UNC13C: variants seen among roughly 807,000 people sequenced by gnomAD.
UNC13C encodes the protein protein unc-13 homolog C.
A neutral mutation model predicts 245.4 loss-of-function variants in UNC13C; 174 were observed. The ratio of observed to expected loss-of-function variants is 0.71; its 90% CI spans 0.63 to 0.80. UNC13C has a LOEUF of 0.80. Among genes scored for constraint, UNC13C ranks in the 30% least tolerant of loss-of-function variants. The pLI, the probability that UNC13C is intolerant of heterozygous loss-of-function variation, is 0.00. For missense variants in UNC13C, 2,829 were observed against 2,602.9 expected (o/e 1.09, Z -1.89); for synonymous variants, 992 against 895.1 (o/e 1.11, Z -1.93).
intron 17 of UNC13C, among the ~76,000 whole-genome samples, chr15:54,372,167 G>A (rs1455739317): frequency 6.6e-6 from 1 of 152,042 alleles, no homozygotes; most frequent in African/African-American, 2.4e-5. Context: ...TAGTCATTCT[G>A]CAGTGGATGC....
At chr15:54,413,784 T>G (rs1223826437) in intron 18 of UNC13C, among the ~76,000 whole-genome samples, 1 of 152,188 alleles carries the variant, frequency 6.6e-6, no homozygotes, top group African/African-American at 2.4e-5. Context: ...TTTCCTTAGG[T>G]AACACTTTCC....
chr15:54,011,200 G>T (rs920898566), intron 1 of UNC13C, among the ~76,000 whole-genome samples: 1 of 152,170 alleles, frequency 6.6e-6, no homozygotes, highest in African/African-American at 2.4e-5. Flanking sequence ...AAGTGAGTTC[G>T]TGTGTGCAAC....
intron 30 of UNC13C, among the ~76,000 whole-genome samples, chr15:54,609,185 T>G (rs1419678687): frequency 6.6e-6 from 1 of 152,248 alleles, no homozygotes; most frequent in East Asian, 1.9e-4. Context: ...TTACTGCTGC[T>G]GCTTGAGTAT....
At position 54,594,903 on chromosome 15, in the gene UNC13C, G is replaced by T. The variant is rs144532071; in HGVS notation, c.6106+26956G>T. Among the ~76,000 whole-genome samples the T allele has an allele frequency of 1.4e-4, 21 of 152,298 alleles. 1 individual carries two copies. The East Asian group carries it at 4.1e-3, about 29-fold the overall frequency. ...ATCCAAAAGGCGGGTCCAGGGGACC[G>T]GAGCATCGGAGGCTTGCTCACGGCC... is the stretch of plus-strand genomic sequence containing the variant. On this transcript the variant is annotated intron_variant, in intron 30 of 32. Transcript: ENST00000260323.
intron 23 of UNC13C, among the ~76,000 whole-genome samples, chr15:54,510,703 C>CA (rs1894699784): frequency 6.6e-6 from 1 of 152,118 alleles, no homozygotes; most frequent in South Asian, 2.1e-4. Flanking sequence ...TAAGAGCTAA[C>CA]ACCTCTCTGA....
intron 10 of UNC13C, among the ~76,000 whole-genome samples, chr15:54,290,900 A>C (rs1306406862): frequency 6.6e-5 from 10 of 152,034 alleles, no homozygotes; most frequent in Non-Finnish European, 1.5e-4. Flanking sequence ...GGCTTACATA[A>C]ACTCTGATGA....
At chr15:54,017,035 A>G (rs1263075398) in intron 2 of UNC13C, among the ~76,000 whole-genome samples, 1 of 152,226 alleles carries the variant, frequency 6.6e-6, no homozygotes, top group African/African-American at 2.4e-5. Flanking sequence ...TGATGTGAGT[A>G]GATTATTGAA....
At chr15:53,886,149 A>G in the UNC13C span, among the ~76,000 whole-genome samples, 1 of 152,194 alleles carries the variant, frequency 6.6e-6, no homozygotes, top group South Asian at 2.1e-4. Context: ...TTCTATTGGT[A>G]TATATAAGAA....
intron 4 of UNC13C, among the ~76,000 whole-genome samples, chr15:54,174,203 C>T (rs2033525416): frequency 6.6e-6 from 1 of 152,088 alleles, no homozygotes. Flanking sequence ...TATAAAGGTC[C>T]TGCTGTCCTC....
rs1895555127 is a variant in UNC13C, at chr15:54,014,655, G to A, written c.1752G>A (p.Arg584=). ...GCTCTCTCCTGTCATCTTCGGACCGGGAGCTATGGCAGAGGAAACAGGAAG... is the reference window on the plus strand; with the variant it reads ...GCTCTCTCCTGTCATCTTCGGACCGAGAGCTATGGCAGAGGAAACAGGAAG... ...NGSSLLSSSD[R]ELWQRKQEGT... is the part of the protein sequence containing the mutation. Residue 584 remains arginine, a synonymous_variant, in exon 2 of 33, where the codon CGG becomes CGA. Coordinates refer to ENST00000260323, the MANE Select transcript of UNC13C (RefSeq NM_001080534.3). 6.2e-7 allele frequency: 1 copy of A among 1,613,530 alleles called. No individual in the cohort carries two copies. The highest frequency in any genetic ancestry group is 1.7e-5 in the Admixed American group (1 of 59,928).
chr15:54,134,630 C>A (rs1436795933), intron 2 of UNC13C, among the ~76,000 whole-genome samples: 1 of 152,144 alleles, frequency 6.6e-6, no homozygotes, highest in African/African-American at 2.4e-5. Flanking sequence ...CGCCATTCTC[C>A]TGCCTTAGCC....
At chr15:54,300,785 C>G (rs1181965912) in intron 13 of UNC13C, among the ~76,000 whole-genome samples, 2 of 152,156 alleles carry the variant, frequency 1.3e-5, no homozygotes, top group African/African-American at 4.8e-5. Flanking sequence ...TCTGAGGTAA[C>G]TAAAGCCCTG....
intron 18 of UNC13C, among the ~76,000 whole-genome samples, chr15:54,394,025 G>A (rs1203801094): frequency 6.6e-6 from 1 of 151,830 alleles, no homozygotes; most frequent in Admixed American, 6.6e-5. Context: ...AGCAAAGATA[G>A]CAGAAATAGA....
At chr15:54,443,107 G>C (rs965867308) in intron 19 of UNC13C, among the ~76,000 whole-genome samples, 2 of 151,934 alleles carry the variant, frequency 1.3e-5, no homozygotes, top group Non-Finnish European at 2.9e-5. Flanking sequence ...TGTTGATCTG[G>C]TCAGGTTTTC....
intron 4 of UNC13C, among the ~76,000 whole-genome samples, chr15:54,210,120 A>G (rs965494939): frequency 1.2e-4 from 18 of 151,516 alleles, no homozygotes. Flanking sequence ...ACTCATGAAG[A>G]ATCTCGTATG....
chr15:54,458,617 A>T (rs1361760143), intron 19 of UNC13C, among the ~76,000 whole-genome samples: 1 of 148,480 alleles, frequency 6.7e-6, no homozygotes, highest in African/African-American at 2.5e-5. Context: ...TTCCTATTAG[A>T]CTAACCCTTT....
chr15:53,933,771 C>T, the UNC13C span, among the ~76,000 whole-genome samples: 1 of 152,160 alleles, frequency 6.6e-6, no homozygotes, highest in Admixed American at 6.5e-5. Flanking sequence ...ATTTATTGAA[C>T]TTTTAGGGTT....
intron 2 of UNC13C, among the ~76,000 whole-genome samples, chr15:54,058,930 C>G (rs1897668790): frequency 6.6e-6 from 1 of 152,150 alleles, no homozygotes. Flanking sequence ...GCTAAAAACT[C>G]TCAATAAATT....
intron 24 of UNC13C, among the ~76,000 whole-genome samples, chr15:54,514,242 A>G (rs559876538): frequency 6.6e-6 from 1 of 152,290 alleles, no homozygotes; most frequent in East Asian, 1.9e-4. Context: ...TGAGAAAATT[A>G]CAGAATTCAC....
Sources: gnomAD v4.1 joint callset for allele counts (sites outside exome capture counted in the v4.1 genomes callset) on GRCh38, gnomAD v4.1.1 for gene constraint, MANE v1.5 for transcripts, NCBI Gene and HGNC (gene_info 2026-07-23, HGNC 2026-07-21) for gene names.